The following CCDC6 variants were observed in gnomAD, a reference collection of about 807,000 sequenced individuals.
CCDC6 encodes coiled-coil domain containing 6.
A neutral mutation model predicts 56.6 loss-of-function variants in CCDC6; 20 were observed. The ratio of observed to expected loss-of-function variants is 0.35; its 90% CI spans 0.25 to 0.51. The LOEUF is 0.51. Among genes scored for constraint, CCDC6 ranks in the 20% least tolerant of loss-of-function variants. The pLI, the probability that CCDC6 is intolerant of heterozygous loss-of-function variation, is 0.95. For missense variants in CCDC6, 367 were observed against 601.1 expected, an observed-to-expected ratio of 0.61 and a Z score of 4.07; for synonymous variants, 241 against 234.4, an observed-to-expected ratio of 1.03 and a Z score of -0.26.
chr10:59,814,948 T>C (rs1239555048), intron 3 of CCDC6, among the ~76,000 whole-genome samples, 193 bp from the exon 4 acceptor site: 1 of 152,166 alleles, frequency 6.6e-6, no homozygotes, highest in East Asian at 1.9e-4. Context: ...TTCTTGGATG[T>C]TAATGCTTAA....
At chr10:59,878,454 G>GTA (rs1338302528) in intron 1 of CCDC6, among the ~76,000 whole-genome samples, 2 of 151,998 alleles carry the variant, frequency 1.3e-5, no homozygotes, top group Non-Finnish European at 2.9e-5. Flanking sequence ...GGGAAAACTC[G>GTA]CCATTTATAT....
chr10:59,831,201 G>C (rs1174686731), intron 3 of CCDC6, among the ~76,000 whole-genome samples: 1 of 152,164 alleles, frequency 6.6e-6, no homozygotes, highest in East Asian at 1.9e-4. Context: ...AAATTTGGAA[G>C]ATGAATGGTA....
chr10:59,850,443 A>G (rs1029602521), intron 2 of CCDC6, among the ~76,000 whole-genome samples: 4 of 152,212 alleles, frequency 2.6e-5, no homozygotes, highest in Admixed American at 2.6e-4. Flanking sequence ...ATCTGTCCAG[A>G]TTCTACAAGT....
chr10:59,815,790 A>G (rs564465859), intron 3 of CCDC6, among the ~76,000 whole-genome samples: 1 of 152,356 alleles, frequency 6.6e-6, no homozygotes, highest in African/African-American at 2.4e-5. Flanking sequence ...ATTATTCTTG[A>G]TTGCACAAAG....
chr10:59,815,690 A>T (rs573876292), intron 3 of CCDC6, among the ~76,000 whole-genome samples: 2 of 152,210 alleles, frequency 1.3e-5, no homozygotes, highest in Admixed American at 6.5e-5. Flanking sequence ...ATAATTAAAA[A>T]TTTTTTCTTA....
At chr10:59,859,068 TAA>T (rs565552699) in intron 1 of CCDC6, among the ~76,000 whole-genome samples, 1 of 152,056 alleles carries the variant, frequency 6.6e-6, no homozygotes, top group East Asian at 1.9e-4. Context: ...ATAATTCACA[TAA>T]AGAGCTTATC....
At chr10:59,821,064 C>T (rs910929196) in intron 3 of CCDC6, among the ~76,000 whole-genome samples, 1 of 152,158 alleles carries the variant, frequency 6.6e-6, no homozygotes, top group East Asian at 1.9e-4. Context: ...CCTGGGGGTA[C>T]ATCAACATCA....
intron 3 of CCDC6, among the ~76,000 whole-genome samples, chr10:59,824,928 T>G (rs2070775929): frequency 6.6e-6 from 1 of 152,204 alleles, no homozygotes; most frequent in South Asian, 2.1e-4. Context: ...CTAAATTTCA[T>G]TTCCTTAATG....
rs115642770 is a variant in CCDC6 at position 59,897,624 on chromosome 10, T to C, written c.303+8498A>G. 6.8e-3 allele frequency among the ~76,000 whole-genome samples: 1,032 copies of C among 152,290 alleles called. 12 individuals are homozygous for C. The highest frequency in any genetic ancestry group is 0.024 in the African/African-American group (994 of 41,538). On this transcript the variant is annotated intron_variant, in intron 1 of 8. Transcript: ENST00000263102. ...TTCATGAGTTGAAAAGTTATCTATA[T>C]GAAACTCCAGGTATAATTATTTTTC...
intron 3 of CCDC6, among the ~76,000 whole-genome samples, chr10:59,828,512 A>C (rs1217999387): frequency 1.3e-5 from 2 of 152,214 alleles, no homozygotes; most frequent in African/African-American, 2.4e-5. Flanking sequence ...GAGTTCTTTG[A>C]AGTATAAAAG....
chr10:59,856,152 T>C (rs1290186199), intron 1 of CCDC6, among the ~76,000 whole-genome samples: 1 of 152,140 alleles, frequency 6.6e-6, no homozygotes, highest in African/African-American at 2.4e-5. Context: ...TGCCAGTTCT[T>C]AGATCTAATT....
In CCDC6 at chr10:59,906,522, G is replaced by A. The variant is rs1212765650; in HGVS notation, c.-98C>T. ...GTGGGCGCCGGGCGAGCACAGGGGAGCGCCGAGCTGAGCGCCTGGCACCAG... is the reference window on the plus strand; with the variant it reads ...GTGGGCGCCGGGCGAGCACAGGGGAACGCCGAGCTGAGCGCCTGGCACCAG... On this transcript the variant is annotated 5_prime_UTR_variant, in exon 1 of 9. Coordinates refer to ENST00000263102, the MANE Select transcript of CCDC6 (RefSeq NM_005436.5). 7 of 1,100,354 alleles carry A rather than the reference G, an allele frequency of 6.4e-6. No individual in the cohort carries two copies. The highest frequency in any genetic ancestry group is 1.7e-5 in the African/African-American group (1 of 59,990). The allele number at this position is 1,100,354 out of a possible 1,614,324, so 68.2% of individuals were successfully genotyped here. A position where few individuals can be genotyped will look rare whatever the true frequency, so the allele number is the denominator to read the frequency against.
At chr10:59,856,345 TAA>T (rs59039796) in intron 1 of CCDC6, among the ~76,000 whole-genome samples, 52,882 of 137,488 alleles carry the variant, frequency 0.38, 9,532 homozygotes, top group South Asian at 0.43. Flanking sequence ...CAGCCTTAGG[TAA>T]AAAAAAAAAA....
chr10:59,898,669 C>T (rs1184039487), intron 1 of CCDC6, among the ~76,000 whole-genome samples: 2 of 152,216 alleles, frequency 1.3e-5, no homozygotes, highest in African/African-American at 2.4e-5. Context: ...GCTATGCTAC[C>T]GGGAGAGCCC....
At chr10:59,880,610 T>C (rs2071325446) in intron 1 of CCDC6, among the ~76,000 whole-genome samples, 1 of 152,094 alleles carries the variant, frequency 6.6e-6, no homozygotes, top group Non-Finnish European at 1.5e-5. Flanking sequence ...TGAAAATGAA[T>C]CAAAATGTAC....
chr10:59,881,511 C>A, intron 1 of CCDC6, among the ~76,000 whole-genome samples: 1 of 152,158 alleles, frequency 6.6e-6, no homozygotes, highest in East Asian at 1.9e-4. Context: ...ATTTCAGATT[C>A]ATTTTGGGCT....
At chr10:59,841,976 T>C (rs956100798) in intron 2 of CCDC6, among the ~76,000 whole-genome samples, 2 of 150,202 alleles carry the variant, frequency 1.3e-5, no homozygotes, top group Admixed American at 6.6e-5. Context: ...CCATGTCTTG[T>C]TCTTGATTTT....
In CCDC6 at chr10:59,791,252, G is replaced by A. The variant is rs1054919479; in HGVS notation, c.*1665C>T. The stretch of plus-strand genomic sequence containing the variant: ...CCTACAGTTTCTTCCAAACAATTGA[G>A]TGATGTTCTCAGTTTGGGGGTGGAA... On this transcript the variant is annotated 3_prime_UTR_variant, in exon 9 of 9. Coordinates refer to ENST00000263102, the MANE Select transcript of CCDC6 (RefSeq NM_005436.5). 1 of 200,122 alleles carries A rather than the reference G, an allele frequency of 5.0e-6. No individual in the cohort carries two copies. Among genetic ancestry groups the A allele is most frequent in the African/African-American group, 2.3e-5 (1 of 43,442 alleles). The allele number at this position is 200,122 out of a possible 1,614,324, so 12.4% of individuals were successfully genotyped here.
chr10:59,859,217 T>TGC (rs2071106132), intron 1 of CCDC6, among the ~76,000 whole-genome samples: 1 of 146,756 alleles, frequency 6.8e-6, no homozygotes, highest in Non-Finnish European at 1.5e-5. Context: ...TGTGTGTGTG[T>TGC]GTGTGTGTGT....
Sources: gnomAD v4.1 joint callset for allele counts (sites outside exome capture counted in the v4.1 genomes callset) on GRCh38, gnomAD v4.1.1 for gene constraint, MANE v1.5 for transcripts, NCBI Gene and HGNC (gene_info 2026-07-23, HGNC 2026-07-21) for gene names.